The following CSMD3 variants were observed in gnomAD, a reference collection of about 807,000 sequenced individuals.
The protein encoded by CSMD3 is CUB and Sushi multiple domains 3.
In CSMD3, 177 loss-of-function variants were observed where a neutral mutation model predicts 435.2. The ratio of observed to expected loss-of-function variants is 0.41; its 90% CI spans 0.36 to 0.46. CSMD3 has a LOEUF of 0.46. Ranked by LOEUF, CSMD3 falls within the 20% of genes least tolerant of loss-of-function variation. CSMD3 has a pLI of 0.34. For synonymous variants in CSMD3, 1,656 were observed against 1,520.5 expected (o/e 1.09, Z -2.07); for missense variants, 4,265 against 4,504.6 (o/e 0.95, Z 1.52).
At chr8:112,651,031 C>CG (rs2075113998) in intron 18 of CSMD3, among the ~76,000 whole-genome samples, 1 of 152,138 alleles carries the variant, frequency 6.6e-6, no homozygotes, top group Admixed American at 6.5e-5. Context: ...TAGAAACATT[C>CG]CTGGCCCCCA....
chr8:113,293,525 A>C (rs2093700077), intron 2 of CSMD3, among the ~76,000 whole-genome samples: 1 of 152,050 alleles, frequency 6.6e-6, no homozygotes, highest in South Asian at 2.1e-4. Context: ...GTCCTCCCCC[A>C]TTCCCATATC....
At chr8:112,430,334 C>A (rs1036242165) in intron 32 of CSMD3, among the ~76,000 whole-genome samples, 18 of 151,896 alleles carry the variant, frequency 1.2e-4, no homozygotes, top group Non-Finnish European at 2.5e-4. Context: ...TAACTCTTCC[C>A]AAAGATAGAT....
intron 32 of CSMD3, among the ~76,000 whole-genome samples, chr8:112,455,157 C>T (rs1226327661): frequency 6.6e-6 from 1 of 152,134 alleles, no homozygotes; most frequent in Admixed American, 6.5e-5. Flanking sequence ...CATCACAGTA[C>T]TATTCACAAC....
chr8:113,115,072 T>C (rs1343555880), intron 4 of CSMD3, among the ~76,000 whole-genome samples: 1 of 152,188 alleles, frequency 6.6e-6, no homozygotes, highest in South Asian at 2.1e-4. Context: ...GCAATGGACG[T>C]TTTAACAAGC....
chr8:113,347,986 C>T (rs1255894721), intron 1 of CSMD3, among the ~76,000 whole-genome samples: 1 of 152,004 alleles, frequency 6.6e-6, no homozygotes, highest in African/African-American at 2.4e-5. Flanking sequence ...TGGTGTTGAA[C>T]TTGGACATTG....
At chr8:113,049,227 A>T (rs868796785) in intron 5 of CSMD3, among the ~76,000 whole-genome samples, 3 of 152,120 alleles carry the variant, frequency 2.0e-5, no homozygotes, top group African/African-American at 4.8e-5. Context: ...TGACAGAGCG[A>T]AAATCTGTCT....
At chr8:112,450,277 AG>A (rs1458513520) in intron 32 of CSMD3, among the ~76,000 whole-genome samples, 1 of 152,160 alleles carries the variant, frequency 6.6e-6, no homozygotes, top group African/African-American at 2.4e-5. Flanking sequence ...ATACTATCAA[AG>A]GTTAATATGA....
intron 32 of CSMD3, among the ~76,000 whole-genome samples, chr8:112,450,835 A>C (rs1388788525): frequency 6.6e-6 from 1 of 152,206 alleles, no homozygotes; most frequent in Non-Finnish European, 1.5e-5. Flanking sequence ...CTCTCTGGAA[A>C]GTATCTTTAA....
intron 14 of CSMD3, among the ~76,000 whole-genome samples, chr8:112,686,176 G>A (rs1480396938): frequency 6.6e-6 from 1 of 152,158 alleles, no homozygotes; most frequent in Admixed American, 6.5e-5. Context: ...ATCAATGTGT[G>A]AGTTCCATTT....
chr8:112,801,982 G>A (rs1228069311), intron 12 of CSMD3, among the ~76,000 whole-genome samples: 1 of 151,758 alleles, frequency 6.6e-6, no homozygotes, highest in Non-Finnish European at 1.5e-5. Flanking sequence ...CTTCTAGAAT[G>A]GTATTTTGTC....
At chr8:113,204,651 T>C (rs1480577944) in intron 3 of CSMD3, among the ~76,000 whole-genome samples, 1 of 152,178 alleles carries the variant, frequency 6.6e-6, no homozygotes, top group African/African-American at 2.4e-5. Context: ...GCTCCATTCA[T>C]GGTAAGTGCC....
At chr8:112,289,919 GTGGATTTGCTAAGTAAGGACA>G (rs1819596522) in intron 56 of CSMD3, among the ~76,000 whole-genome samples, 1 of 152,128 alleles carries the variant, frequency 6.6e-6, no homozygotes, top group Admixed American at 6.6e-5. Context: ...GAAGATTAAT[GTGGATTTGCTAAGTAAGGACA>G]TAGGACACCA....
At chr8:112,929,648 T>C (rs1168343799) in intron 9 of CSMD3, among the ~76,000 whole-genome samples, 1 of 152,044 alleles carries the variant, frequency 6.6e-6, no homozygotes, top group Non-Finnish European at 1.5e-5. Flanking sequence ...AAGTGAAGTA[T>C]GGTACAGATC....
chr8:112,431,457 AACAT>A (rs1450291232), intron 32 of CSMD3, among the ~76,000 whole-genome samples: 2 of 152,148 alleles, frequency 1.3e-5, no homozygotes, highest in Non-Finnish European at 2.9e-5. Flanking sequence ...TTATACATAA[AACAT>A]ACAGTACACT....
chr8:112,849,965 G>A (rs1243561953), intron 11 of CSMD3, among the ~76,000 whole-genome samples: 2 of 151,916 alleles, frequency 1.3e-5, no homozygotes, highest in African/African-American at 4.8e-5. Flanking sequence ...TGTAGCCTTT[G>A]GCAAATTACT....
chr8:112,407,039 G>A (rs1397959520), intron 34 of CSMD3, among the ~76,000 whole-genome samples: 1 of 151,680 alleles, frequency 6.6e-6, no homozygotes, highest in Non-Finnish European at 1.5e-5. Flanking sequence ...GTAATTTGTG[G>A]GATGAAAACT....
chr8:112,868,201 G>C (rs1328846985), intron 10 of CSMD3, among the ~76,000 whole-genome samples: 2 of 152,010 alleles, frequency 1.3e-5, no homozygotes, highest in East Asian at 3.9e-4. Flanking sequence ...GATCCTCAGG[G>C]GTAATAATAC....
At chr8:112,564,256 T>C (rs1828885039) in intron 24 of CSMD3, among the ~76,000 whole-genome samples, 1 of 151,632 alleles carries the variant, frequency 6.6e-6, no homozygotes, top group Non-Finnish European at 1.5e-5. Context: ...TGTCCCTTTC[T>C]ATAGGGAGGT....
At chr8:112,286,460 A>C (rs1399866568) in intron 58 of CSMD3, among the ~76,000 whole-genome samples, 1 of 152,044 alleles carries the variant, frequency 6.6e-6, no homozygotes, top group East Asian at 1.9e-4. Flanking sequence ...TATGATATCC[A>C]CTCGTCAGTC....
Sources: gnomAD v4.1 joint callset for allele counts (sites outside exome capture counted in the v4.1 genomes callset) on GRCh38, gnomAD v4.1.1 for gene constraint, MANE v1.5 for transcripts, NCBI Gene and HGNC (gene_info 2026-07-23, HGNC 2026-07-21) for gene names.